The following ADCY3 variants were observed in gnomAD, a reference collection of about 807,000 sequenced individuals.
The protein encoded by ADCY3 is adenylate cyclase type 3.
Under a neutral mutation model 119.4 loss-of-function variants are expected in ADCY3, and 70 were observed. The ratio of observed to expected loss-of-function variants is 0.59; its 90% CI spans 0.48 to 0.72. The LOEUF (loss-of-function observed/expected upper bound fraction) is 0.72. Ranked by LOEUF, ADCY3 falls within the 30% of genes least tolerant of loss-of-function variation. ADCY3 has a pLI of 0.00. For missense variants in ADCY3, 1,238 were observed against 1,541.6 expected, an observed-to-expected ratio of 0.80 and a Z score of 3.30; for synonymous variants, 672 against 621.4, an observed-to-expected ratio of 1.08 and a Z score of -1.21.
chr2:24,914,571 A>C (rs1488382400), intron 2 of ADCY3, among the ~76,000 whole-genome samples: 2 of 151,688 alleles, frequency 1.3e-5, no homozygotes, highest in Non-Finnish European at 2.9e-5. Context: ...GGTACTTGGG[A>C]GGCTGAGGCA....
rs1417470403 is a variant in ADCY3, at chr2:24,821,058, A to G, written c.3128-210T>C. ...AGGTGTCAGCCGCCACCCCCCCCCC[A>G]TATGCAGATTTACTCGGCATGGTAG... is the stretch of plus-strand genomic sequence containing the variant. On this transcript the variant is annotated intron_variant, in intron 20 of 21. Coordinates refer to ENST00000679454, the MANE Select transcript of ADCY3 (RefSeq NM_004036.5). The G allele has an allele frequency of 5.1e-6, 3 of 587,086 alleles. No individual in the cohort carries two copies. In the South Asian group the frequency reaches 6.6e-5, roughly 13 times the overall value. 36.4% of individuals were successfully genotyped at this position (587,086 alleles called of 1,614,324 possible).
At chr2:24,853,005 GGTGTGTGTGTGTGT>G (rs58904311) in intron 3 of ADCY3, among the ~76,000 whole-genome samples, 2,731 of 95,256 alleles carry the variant, frequency 0.029, 48 homozygotes, top group East Asian at 0.093. Flanking sequence ...ACAGCTGGAG[GGTGTGTGTGTGTGT>G]GTGTGTGTGT....
chr2:24,834,603 C>G lies in ADCY3; in HGVS notation c.1849G>C (p.Asp617His), dbSNP rs1670040934. The G allele has an allele frequency of 6.2e-7, 1 of 1,613,980 alleles. No homozygotes were observed. The stretch of plus-strand genomic sequence containing the variant: ...GAGTAGCGGGTTTCCATCTCGGGGT[C>G]CATGAACCGCATGGACAAGAGGAAG... ...NTFLLSMRFM[D>H]PEMETRYSVE... The change falls in exon 11 of 22, where the codon GAC becomes CAC. Residue 617 changes from aspartate to histidine, a missense_variant. By Grantham distance (81) the Asp-to-His change is moderately conservative (BLOSUM62 -1). Around this residue, in one of 7 missense-constraint regions of ADCY3, gnomAD observed 499 missense variants for 571.0 expected, o/e 0.87. Coordinates refer to ENST00000679454, the MANE Select transcript of ADCY3 (RefSeq NM_004036.5). The surrounding 1 kb of genome is among the most constrained non-coding windows in gnomAD (Gnocchi z 4.2).
intron 2 of ADCY3, among the ~76,000 whole-genome samples, chr2:24,906,455 G>A (rs1679450099): frequency 6.6e-6 from 1 of 152,222 alleles, no homozygotes; most frequent in Admixed American, 6.5e-5. Context: ...ACTCAGTGCT[G>A]CACCAATGAA....
chr2:24,874,486 G>C (rs1675407558), intron 2 of ADCY3, among the ~76,000 whole-genome samples: 3 of 152,228 alleles, frequency 2.0e-5, no homozygotes, highest in Admixed American at 2.0e-4. Context: ...GTTGGGAAGG[G>C]GAGGCCTCTG....
intron 2 of ADCY3, among the ~76,000 whole-genome samples, chr2:24,916,925 G>A (rs1664532415): frequency 6.6e-6 from 1 of 152,194 alleles, no homozygotes; most frequent in Non-Finnish European, 1.5e-5. Flanking sequence ...CAATGCCTGG[G>A]CTCCCGTCCT....
chr2:24,916,211 A>AT (rs1342383372), intron 2 of ADCY3, among the ~76,000 whole-genome samples: 2 of 152,208 alleles, frequency 1.3e-5, no homozygotes, highest in Non-Finnish European at 2.9e-5. Flanking sequence ...GAGAACAATC[A>AT]TGAGTTTAGA....
chr2:24,903,149 C>CAA (rs57777144), intron 2 of ADCY3, among the ~76,000 whole-genome samples: 258 of 95,432 alleles, frequency 2.7e-3, no homozygotes, highest in Middle Eastern at 7.0e-3. Context: ...ACTCTATCTC[C>CAA]AAAAAAAAAA....
intron 3 of ADCY3, among the ~76,000 whole-genome samples, chr2:24,854,257 T>C (rs1672747529): frequency 6.6e-6 from 1 of 152,214 alleles, no homozygotes; most frequent in East Asian, 1.9e-4. Context: ...AAGATAGTAA[T>C]GACTAATCCC....
chr2:24,896,708 C>A (rs935311633), intron 2 of ADCY3, among the ~76,000 whole-genome samples: 1 of 152,100 alleles, frequency 6.6e-6, no homozygotes, highest in Non-Finnish European at 1.5e-5. Flanking sequence ...TGATATTCAC[C>A]GAGATTCCAG....
At chr2:24,843,176 T>C (rs1482376214) in intron 3 of ADCY3, among the ~76,000 whole-genome samples, 1 of 152,224 alleles carries the variant, frequency 6.6e-6, no homozygotes, top group Non-Finnish European at 1.5e-5. Context: ...GCTTGAGAGC[T>C]GGGCATGGTT....
At chr2:24,902,024 C>T (rs1003457450) in intron 2 of ADCY3, among the ~76,000 whole-genome samples, 3 of 145,660 alleles carry the variant, frequency 2.1e-5, no homozygotes, top group Non-Finnish European at 4.5e-5. Flanking sequence ...AGATGGCACA[C>T]ATTTTAACTC....
intron 16 of ADCY3, among the ~76,000 whole-genome samples, chr2:24,825,117 G>A (rs951390686): frequency 1.3e-5 from 2 of 152,122 alleles, no homozygotes; most frequent in African/African-American, 2.4e-5. Context: ...GGTCTGTCTC[G>A]TGGAGGTGGC....
At position 24,872,186 on chromosome 2, in the gene ADCY3, G is replaced by A. The variant is rs548745103; in HGVS notation, c.825+384C>T. Among the ~76,000 whole-genome samples, 10 of 152,334 alleles carry A rather than the reference G, an allele frequency of 6.6e-5. No individual in the cohort carries two copies. The highest frequency in any genetic ancestry group is 1.4e-4 in the African/African-American group (6 of 41,582). On this transcript the variant is annotated intron_variant, in intron 3 of 21. Transcript: ENST00000679454. This position sits in a 1 kb window ranked among gnomAD's most constrained non-coding sequence, Gnocchi z 4.4. ...GGAGGCGTGACGTGAAGGAATGCCC[G>A]TGATGCCCCTGACCCTGACCTTGGT...
At chr2:24,821,443 C>T in intron 20 of ADCY3, 74 bp downstream of exon 20, 4 of 1,580,148 alleles carry the variant, frequency 2.5e-6, no homozygotes, top group Non-Finnish European at 3.4e-6. Flanking sequence ...AGCCTCATGT[C>T]TCTCCTGGTG....
chr2:24,831,797 A>G (rs775611366), intron 11 of ADCY3, 48 bp from the exon 12 acceptor site: 2 of 753,040 alleles, frequency 2.7e-6, no homozygotes, highest in East Asian at 5.7e-5. Flanking sequence ...GGACAGTGAG[A>G]TGGGGTGAGG....
At chr2:24,866,890 A>T (rs1034583061) in intron 3 of ADCY3, among the ~76,000 whole-genome samples, 3 of 152,184 alleles carry the variant, frequency 2.0e-5, no homozygotes, top group Non-Finnish European at 4.4e-5. Context: ...ACATTGTCTG[A>T]AGTGCAAAAA....
rs1425916796 is a variant in ADCY3 at position 24,820,109 on chromosome 2, T to C, written c.3258A>G (p.Val1086=). Residue 1086 remains valine, a synonymous_variant, in exon 22 of 22, where the codon GTA becomes GTG. Transcript: ENST00000679454. The stretch of plus-strand genomic sequence containing the variant: ...CTCGGAGGATGACTTGGGTTTCTTC[T>C]ACCACCTGGAGAGGGAGGGGGAGCA... The part of the protein sequence containing the change: ...STGVMGNIQV[V]EETQVILREY... 4.8e-6 allele frequency: 7 copies of C among 1,466,104 alleles called. No individual in the cohort carries two copies. The highest frequency in any genetic ancestry group is 6.4e-6 in the Non-Finnish European group (7 of 1,098,402). 90.8% of individuals were successfully genotyped at this position (1,466,104 alleles called of 1,614,324 possible). A position where few individuals can be genotyped will look rare whatever the true frequency, so the allele number is the denominator to read the frequency against.
intron 2 of ADCY3, among the ~76,000 whole-genome samples, chr2:24,910,881 G>A (rs6754997): frequency 0.52 from 79,178 of 151,832 alleles, 22,797 homozygotes; most frequent in African/African-American, 0.78. Flanking sequence ...TCCTGACCTC[G>A]TGATCCACCC....
Sources: allele counts gnomAD v4.1 joint callset (sites outside exome capture counted in the v4.1 genomes callset), GRCh38; gene constraint gnomAD v4.1.1; regional missense constraint gnomAD v4.1.1; non-coding constraint Gnocchi (gnomAD v3.1); transcripts MANE v1.5; gene names NCBI Gene and HGNC (gene_info 2026-07-23, HGNC 2026-07-21).